The following FAM81A variants were observed in gnomAD, a reference collection of about 807,000 sequenced individuals.
The protein encoded by FAM81A is protein FAM81A.
FAM81A carries 19 observed loss-of-function variants against 46.7 expected under a neutral mutation model. The observed-to-expected ratio is 0.41, with a 90% confidence interval of 0.28 to 0.60. The LOEUF is 0.60. Among genes scored for constraint, FAM81A ranks in the 20% least tolerant of loss-of-function variants. The probability of loss-of-function intolerance (pLI) is 0.34; values close to 1 mark genes in which losing one functional copy is unlikely to be tolerated. For missense variants in FAM81A, 377 were observed against 453.5 expected (o/e 0.83, Z 1.53); for synonymous variants, 183 against 152.9 (o/e 1.20, Z -1.45).
chr15:59,402,088 A>G (rs571418031), intron 1 of FAM81A: 3 of 475,274 alleles, frequency 6.3e-6, no homozygotes, highest in East Asian at 4.1e-5. Flanking sequence ...CCATGAGCTG[A>G]CGCCGTGCAG....
intron 2 of FAM81A, among the ~76,000 whole-genome samples, chr15:59,402,762 C>T (rs1286706961): frequency 6.6e-6 from 1 of 152,060 alleles, no homozygotes; most frequent in Non-Finnish European, 1.5e-5. Flanking sequence ...CCATGTTAGC[C>T]AGGCTGGTCT....
chr15:59,459,996 C>T lies in FAM81A; in HGVS notation c.84C>T (p.Ser28=). The change falls in exon 3 of 9, where the codon AGC becomes AGT. Residue 28 remains serine (S), a synonymous_variant. Coordinates refer to ENST00000288228, the MANE Select transcript of FAM81A (RefSeq NM_152450.3). ...SLTMAPYSSV[S]LVEQLEDRIL... ...CCATGGCACCATACTCATCTGTAAG[C>T]CTCGTGGAGCAGCTGGAAGACAGGA... 2 of 1,613,186 alleles carry T rather than the reference C, an allele frequency of 1.2e-6. No individual in the cohort carries two copies. The highest frequency in any genetic ancestry group is 1.1e-5 in the South Asian group (1 of 90,934).
At chr15:59,471,872 T>A (rs1488620157) in intron 3 of FAM81A, among the ~76,000 whole-genome samples, 7 of 152,182 alleles carry the variant, frequency 4.6e-5, no homozygotes, top group African/African-American at 1.7e-4. Context: ...TATATCCTAA[T>A]TGAAGTGCAT....
At chr15:59,462,604 A>G (rs1409220134) in intron 3 of FAM81A, among the ~76,000 whole-genome samples, 1 of 152,198 alleles carries the variant, frequency 6.6e-6, no homozygotes, top group Non-Finnish European at 1.5e-5. Context: ...ATTACTGTCT[A>G]TTTCCAAAAG....
chr15:59,480,320 G>T (rs189687316), intron 3 of FAM81A, among the ~76,000 whole-genome samples: 2 of 152,246 alleles, frequency 1.3e-5, no homozygotes, highest in Admixed American at 6.5e-5. Flanking sequence ...TGGAGAAGGA[G>T]GAACATGGAG....
chr15:59,450,106 T>TC (rs1237737382), intron 1 of FAM81A, among the ~76,000 whole-genome samples: 4 of 146,812 alleles, frequency 2.7e-5, no homozygotes, highest in African/African-American at 7.5e-5. Context: ...TTTCTTTCTT[T>TC]TTTTTTTTTT....
intron 8 of FAM81A, among the ~76,000 whole-genome samples, chr15:59,520,976 G>A (rs2082321944): frequency 6.6e-6 from 1 of 152,168 alleles, no homozygotes; most frequent in Non-Finnish European, 1.5e-5. Flanking sequence ...ACGTGATGTT[G>A]TTTCTCCCAG....
At chr15:59,484,473 C>T (rs11853953) in intron 3 of FAM81A, among the ~76,000 whole-genome samples, 13,180 of 152,226 alleles carry the variant, frequency 0.087, 708 homozygotes, top group African/African-American at 0.15. Context: ...GTAGGAAGGA[C>T]AGTCTTGAAT....
chr15:59,398,074 G>A (rs149590189), intron 1 of FAM81A, among the ~76,000 whole-genome samples: 7 of 152,236 alleles, frequency 4.6e-5, no homozygotes, highest in Admixed American at 6.5e-5. Context: ...ATCACCTAGC[G>A]ACTATCAAGC....
chr15:59,516,961 A>T, intron 8 of FAM81A, 121 bp downstream of exon 8: 1 of 961,014 alleles, frequency 1.0e-6, no homozygotes. Context: ...AAATATCCTT[A>T]GTTGATTTTC....
chr15:59,498,391 T>C (rs2082056312), intron 4 of FAM81A, among the ~76,000 whole-genome samples: 1 of 152,218 alleles, frequency 6.6e-6, no homozygotes, highest in South Asian at 2.1e-4. Flanking sequence ...GCAACCCTGC[T>C]GAACTCATTA....
chr15:59,409,442 G>A (rs937378102), intron 2 of FAM81A, among the ~76,000 whole-genome samples: 30 of 152,058 alleles, frequency 2.0e-4, no homozygotes, highest in African/African-American at 6.0e-4. Flanking sequence ...ATGACCATGT[G>A]GTTCATTCCA....
chr15:59,503,735 G>C (rs2082120535), intron 4 of FAM81A, among the ~76,000 whole-genome samples: 1 of 152,088 alleles, frequency 6.6e-6, no homozygotes, highest in South Asian at 2.1e-4. Context: ...ACCACACCCA[G>C]CTAATTTTTG....
rs776569699 is a variant in FAM81A at position 59,492,240 on chromosome 15, T to C, written c.295-31T>C. 11 of 1,519,134 alleles carry C rather than the reference T, an allele frequency of 7.2e-6. No homozygotes were observed. In the Admixed American group the frequency reaches 1.3e-4, roughly 17 times the overall value. The allele number at this position is 1,519,134 out of a possible 1,614,324, so 94.1% of individuals were successfully genotyped here. On this transcript the variant is annotated intron_variant, in intron 3 of 8. Coordinates refer to ENST00000288228, the MANE Select transcript of FAM81A (RefSeq NM_152450.3). The stretch of plus-strand genomic sequence containing the variant: ...TTGTGGAAGCACGTGAATTCTTAGA[T>C]GACTCCCTTAGTGTTTTTTATGTTG...
intron 2 of FAM81A, among the ~76,000 whole-genome samples, chr15:59,417,736 T>C (rs1282087967): frequency 6.6e-6 from 1 of 151,980 alleles, no homozygotes; most frequent in Non-Finnish European, 1.5e-5. Context: ...CATAAATAAA[T>C]AAAAATAAAA....
chr15:59,502,576 C>T (rs1026948609), intron 4 of FAM81A, among the ~76,000 whole-genome samples: 2 of 151,514 alleles, frequency 1.3e-5, no homozygotes, highest in Non-Finnish European at 1.5e-5. Context: ...TGCAATGGCG[C>T]GATCTCGGCT....
chr15:59,511,951 T>C (rs2141830063), intron 6 of FAM81A, among the ~76,000 whole-genome samples: 1 of 152,174 alleles, frequency 6.6e-6, no homozygotes, highest in South Asian at 2.1e-4. Flanking sequence ...ACCCGGCCCA[T>C]AACAGCATTA....
intron 4 of FAM81A, among the ~76,000 whole-genome samples, chr15:59,496,164 G>T (rs11630448): frequency 0.63 from 95,749 of 152,102 alleles, 30,864 homozygotes; most frequent in African/African-American, 0.76. Context: ...ATTTAGGCCT[G>T]TGATCCATTT....
At chr15:59,430,610 G>A (rs2081215860) in intron 2 of FAM81A, among the ~76,000 whole-genome samples, 1 of 152,040 alleles carries the variant, frequency 6.6e-6, no homozygotes, top group Admixed American at 6.6e-5. Flanking sequence ...CATGTCAGTG[G>A]GGCAGGAAGG....
Sources: gnomAD v4.1 joint callset for allele counts (sites outside exome capture counted in the v4.1 genomes callset) on GRCh38, gnomAD v4.1.1 for gene constraint, MANE v1.5 for transcripts, NCBI Gene and HGNC (gene_info 2026-07-23, HGNC 2026-07-21) for gene names.